The following THSD4 variants were observed in gnomAD, a reference collection of about 807,000 sequenced individuals.
THSD4 encodes the protein thrombospondin type-1 domain-containing protein 4.
In THSD4, 69 loss-of-function variants were observed where a neutral mutation model predicts 119.0. That is an observed-to-expected ratio of 0.58 (90% CI 0.48 to 0.71). The LOEUF (loss-of-function observed/expected upper bound fraction) is 0.71. THSD4 is among the 30% of genes least tolerant of loss of function. The probability of loss-of-function intolerance (pLI) is 0.00; values close to 1 mark genes in which losing one functional copy is unlikely to be tolerated. For synonymous variants in THSD4, 524 were observed against 540.4 expected (o/e 0.97, Z 0.42); for missense variants, 1,393 against 1,391.1 (o/e 1.00, Z -0.02).
intron 14 of THSD4, among the ~76,000 whole-genome samples, chr15:71,757,532 G>GTGATCCTCCTGCCTCAGCCTCC (rs1185001494): frequency 3.9e-5 from 6 of 152,290 alleles, no homozygotes; most frequent in Admixed American, 2.0e-4. Context: ...CTGGGCTCAA[G>GTGATCCTCCTGCCTCAGCCTCC]CGATCCTCCC....
intron 2 of THSD4, among the ~76,000 whole-genome samples, chr15:71,146,125 G>A (rs2040658220): frequency 6.6e-6 from 1 of 152,164 alleles, no homozygotes; most frequent in South Asian, 2.1e-4. Flanking sequence ...TACAAAAGTA[G>A]GGTGAAGCAT....
intron 7 of THSD4, among the ~76,000 whole-genome samples, chr15:71,498,098 G>A (rs1016400311): frequency 6.6e-6 from 1 of 152,156 alleles, no homozygotes; most frequent in African/African-American, 2.4e-5. Flanking sequence ...ATACTCACTC[G>A]AATTTAATGA....
chr15:71,345,658 A>T lies in THSD4; in HGVS notation c.1016-66029A>T, dbSNP rs144065701. ...TCCAGGCCTCAGCTTTGATGGGTGAATGTCTATGTCAGGTGGAAAGGAAGC... is the reference window on the plus strand; with the variant it reads ...TCCAGGCCTCAGCTTTGATGGGTGATTGTCTATGTCAGGTGGAAAGGAAGC... On this transcript the variant is annotated intron_variant, in intron 6 of 17. Coordinates refer to ENST00000261862, the MANE Select transcript of THSD4 (RefSeq NM_024817.3). Among the ~76,000 whole-genome samples, 232 of 152,214 alleles carry T rather than the reference A, an allele frequency of 1.5e-3. 1 individual carries two copies. The highest frequency in any genetic ancestry group is 4.9e-3 in the African/African-American group (203 of 41,526).
intron 7 of THSD4, among the ~76,000 whole-genome samples, chr15:71,480,511 A>G (rs373846816): frequency 6.6e-6 from 1 of 152,212 alleles, no homozygotes. Flanking sequence ...GCTGCGTAAC[A>G]ACTACAAAAA....
intron 1 of THSD4, among the ~76,000 whole-genome samples, chr15:71,121,447 G>T (rs581821): frequency 0.98 from 148,422 of 152,094 alleles, 72,520 homozygotes; most frequent in East Asian, 1. Flanking sequence ...CTTCCAGGGC[G>T]CCAAGGCTTG....
rs569406610 is a variant in THSD4 at position 71,506,708 on chromosome 15, C to T, written c.1152+94885C>T. 3.9e-5 allele frequency among the ~76,000 whole-genome samples: 6 copies of T among 152,326 alleles called. No homozygotes were observed. The East Asian group carries it at 5.8e-4, about 15-fold the overall frequency. The stretch of plus-strand genomic sequence containing the variant: ...ACAATTCCATTTCCACCACTTACGG[C>T]GGCCTGAAGAGCAGGTTGTCTTTCC... On this transcript the variant is annotated intron_variant, in intron 7 of 17. Transcript: ENST00000261862.
chr15:71,371,070 A>C (rs2046040126), intron 6 of THSD4, among the ~76,000 whole-genome samples: 1 of 152,076 alleles, frequency 6.6e-6, no homozygotes, highest in African/African-American at 2.4e-5. Context: ...TGTGGTTTAA[A>C]GTCTGTTTTA....
chr15:71,320,466 C>T (rs1001309313), intron 6 of THSD4, among the ~76,000 whole-genome samples: 15 of 152,282 alleles, frequency 9.9e-5, no homozygotes, highest in African/African-American at 3.6e-4. Context: ...CTTTGGATCA[C>T]AAACTTTCCT....
At chr15:71,668,262 T>C (rs1206977884) in intron 8 of THSD4, among the ~76,000 whole-genome samples, 2 of 152,190 alleles carry the variant, frequency 1.3e-5, no homozygotes, top group Non-Finnish European at 2.9e-5. Flanking sequence ...AGATGTGACC[T>C]AAAACCACTA....
At chr15:71,162,188 T>A (rs908309117) in intron 3 of THSD4, among the ~76,000 whole-genome samples, 1 of 152,028 alleles carries the variant, frequency 6.6e-6, no homozygotes, top group Non-Finnish European at 1.5e-5. Flanking sequence ...CACTAGGGTA[T>A]TCAGAGTATG....
intron 8 of THSD4, among the ~76,000 whole-genome samples, chr15:71,726,920 A>G (rs1200500738): frequency 4.0e-5 from 6 of 151,798 alleles, no homozygotes; most frequent in African/African-American, 1.5e-4. Flanking sequence ...CTGGGCAACA[A>G]GAACGAAACG....
chr15:71,256,233 G>A (rs2044315011), intron 5 of THSD4, among the ~76,000 whole-genome samples: 1 of 152,178 alleles, frequency 6.6e-6, no homozygotes, highest in African/African-American at 2.4e-5. Flanking sequence ...CCAGCACTTT[G>A]GGAGGCTGAG....
At chr15:71,675,876 T>G (rs902646849) in intron 8 of THSD4, among the ~76,000 whole-genome samples, 8 of 152,212 alleles carry the variant, frequency 5.3e-5, no homozygotes, top group Non-Finnish European at 1.0e-4. Context: ...TATTTGTGTC[T>G]TCTCACTTCC....
At chr15:71,252,458 A>T (rs2044269805) in intron 5 of THSD4, among the ~76,000 whole-genome samples, 1 of 152,360 alleles carries the variant, frequency 6.6e-6, no homozygotes, top group African/African-American at 2.4e-5. Flanking sequence ...CTTGGTTTTC[A>T]TCCTCACTCC....
At chr15:71,314,134 T>C (rs959332951) in intron 6 of THSD4, among the ~76,000 whole-genome samples, 2 of 152,204 alleles carry the variant, frequency 1.3e-5, no homozygotes, top group Non-Finnish European at 2.9e-5. Context: ...TTTAGCCATA[T>C]GATTATAGCC....
intron 9 of THSD4, chr15:71,730,823 GA>G: frequency 2.7e-6 from 1 of 372,742 alleles, no homozygotes; most frequent in Non-Finnish European, 5.1e-6. Context: ...AAAATCTAAG[GA>G]CAGAAAGGTT....
chr15:71,257,031 A>C (rs1239434832), intron 6 of THSD4, among the ~76,000 whole-genome samples: 1 of 152,156 alleles, frequency 6.6e-6, no homozygotes, highest in Non-Finnish European at 1.5e-5. Flanking sequence ...TCAAACATAA[A>C]GTTGTGAGCC....
chr15:71,662,872 T>C (rs1419049972), intron 8 of THSD4, among the ~76,000 whole-genome samples: 1 of 152,108 alleles, frequency 6.6e-6, no homozygotes, highest in Non-Finnish European at 1.5e-5. Context: ...CTCAGAGAGA[T>C]TGTCAGTTTT....
At chr15:71,424,018 ACT>A (rs112841361) in intron 7 of THSD4, among the ~76,000 whole-genome samples, 1,576 of 151,686 alleles carry the variant, frequency 0.01, 28 homozygotes, top group African/African-American at 0.033. Context: ...AAGCGCTCCG[ACT>A]CTCTGCACCC....
Sources: allele counts gnomAD v4.1 joint callset (sites outside exome capture counted in the v4.1 genomes callset), GRCh38; gene constraint gnomAD v4.1.1; transcripts MANE v1.5; gene names NCBI Gene and HGNC (gene_info 2026-07-23, HGNC 2026-07-21).